DGKB: variants seen among roughly 807,000 people sequenced by gnomAD.
DGKB encodes 90 kDa diacylglycerol kinase.
DGKB carries 67 observed loss-of-function variants against 114.3 expected under a neutral mutation model. That is an observed-to-expected ratio of 0.59 (90% CI 0.48 to 0.72). The LOEUF is 0.72. DGKB is among the 30% of genes least tolerant of loss of function. DGKB has a pLI of 0.00. For synonymous variants in DGKB, 398 were observed against 323.1 expected, an observed-to-expected ratio of 1.23 and a Z score of -2.49; for missense variants, 907 against 975.2, an observed-to-expected ratio of 0.93 and a Z score of 0.93.
chr7:14,692,092 T>C (rs1353351463), intron 9 of DGKB, among the ~76,000 whole-genome samples: 3 of 152,026 alleles, frequency 2.0e-5, no homozygotes, highest in African/African-American at 7.2e-5. Flanking sequence ...ATTTGTGGAC[T>C]CTATTACCTG....
At chr7:14,325,552 T>A (rs2128546734) in intron 23 of DGKB, among the ~76,000 whole-genome samples, 1 of 152,258 alleles carries the variant, frequency 6.6e-6, no homozygotes, top group South Asian at 2.1e-4. Context: ...ATAAATATTC[T>A]AATAGGAATT....
At chr7:14,780,185 C>G (rs189144280) in intron 2 of DGKB, among the ~76,000 whole-genome samples, 11 of 152,120 alleles carry the variant, frequency 7.2e-5, no homozygotes, top group Non-Finnish European at 7.3e-5. Context: ...GCCTAAAGCA[C>G]ATGATGAAAG....
chr7:14,353,160 T>C (rs1813795091), intron 21 of DGKB, among the ~76,000 whole-genome samples: 1 of 152,144 alleles, frequency 6.6e-6, no homozygotes, highest in Non-Finnish European at 1.5e-5. Context: ...TCTCTCATTA[T>C]ATACAATAAT....
At chr7:14,745,869 T>C (rs1352619778) in intron 4 of DGKB, among the ~76,000 whole-genome samples, 6 of 152,200 alleles carry the variant, frequency 3.9e-5, no homozygotes, top group Admixed American at 3.3e-4. Context: ...GAGCAAAAAT[T>C]CCTGCATCAC....
intron 2 of DGKB, among the ~76,000 whole-genome samples, chr7:14,769,510 T>C (rs1837095870): frequency 6.6e-6 from 1 of 151,396 alleles, no homozygotes; most frequent in Non-Finnish European, 1.5e-5. Flanking sequence ...CACCATCTCA[T>C]AAATTTATTT....
intron 23 of DGKB, among the ~76,000 whole-genome samples, chr7:14,217,373 C>A (rs1789160351): frequency 6.6e-6 from 1 of 151,824 alleles, no homozygotes; most frequent in Admixed American, 6.6e-5. Flanking sequence ...TCCTAGACTT[C>A]AAATCTCTGA....
intron 2 of DGKB, among the ~76,000 whole-genome samples, chr7:14,789,003 G>T (rs1840283505): frequency 6.6e-6 from 1 of 152,078 alleles, no homozygotes; most frequent in Admixed American, 6.5e-5. Context: ...AAACAGTGGA[G>T]CAGAAACACA....
intron 23 of DGKB, among the ~76,000 whole-genome samples, chr7:14,184,606 A>G (rs533563796): frequency 1.3e-5 from 2 of 151,956 alleles, no homozygotes; most frequent in African/African-American, 4.8e-5. Context: ...CCCATCCCCC[A>G]TGCTGCAGCT....
intron 13 of DGKB, among the ~76,000 whole-genome samples, chr7:14,642,657 C>A (rs17667596): frequency 0.097 from 14,720 of 152,158 alleles, 948 homozygotes; most frequent in Non-Finnish European, 0.14. Flanking sequence ...CCAAGAAACT[C>A]AGGGAAATTC....
intron 13 of DGKB, among the ~76,000 whole-genome samples, chr7:14,671,080 G>T (rs1818883281): frequency 1.3e-5 from 2 of 152,128 alleles, no homozygotes; most frequent in Admixed American, 6.5e-5. Flanking sequence ...TCTAGGTTTG[G>T]AATTTAGGAT....
At chr7:14,258,274 T>C (rs796110204) in intron 23 of DGKB, among the ~76,000 whole-genome samples, 21 of 152,324 alleles carry the variant, frequency 1.4e-4, no homozygotes, top group African/African-American at 5.1e-4. Flanking sequence ...AAGAAGACTG[T>C]GTGTTAAGAA....
In DGKB at chr7:14,898,745, A is replaced by G. The variant is rs554628355; in HGVS notation, c.-188+3847T>C. On this transcript the variant is annotated intron_variant, in intron 1 of 25. Transcript: ENST00000402815. ...GTGAATGTATTTGCAAAGCTCTGTCACCACATACACATCTGACAATAGCTC... is the reference window on the plus strand; with the variant it reads ...GTGAATGTATTTGCAAAGCTCTGTCGCCACATACACATCTGACAATAGCTC... 2.0e-5 allele frequency among the ~76,000 whole-genome samples: 3 copies of G among 152,222 alleles called. No homozygotes were observed. In the South Asian group the frequency reaches 6.2e-4, roughly 32 times the overall value.
chr7:14,827,934 A>C (rs1191658499), intron 2 of DGKB, among the ~76,000 whole-genome samples: 1 of 152,066 alleles, frequency 6.6e-6, no homozygotes, highest in East Asian at 1.9e-4. Context: ...AATGAATGTG[A>C]AATGTGGGAG....
At position 14,718,585 on chromosome 7, in the gene DGKB, G is replaced by A; in HGVS notation, c.423C>T (p.Tyr141=). 6.2e-7 allele frequency: 1 copy of A among 1,613,036 alleles called. No individual in the cohort carries two copies. The highest frequency in any genetic ancestry group is 8.5e-7 in the Non-Finnish European group (1 of 1,179,432). The part of the protein sequence containing the change: ...EVIHLKDIVC[Y]LSLLERGRPE... ...GTCTTCCTCTTTCAAGCAGAGACAGGTAACAGACAATGTCCTTCAGATGGA... is the reference window on the plus strand; with the variant it reads ...GTCTTCCTCTTTCAAGCAGAGACAGATAACAGACAATGTCCTTCAGATGGA... Residue 141 remains tyrosine (Y), a synonymous_variant, in exon 6 of 26, where the codon TAC becomes TAT. Coordinates refer to ENST00000402815, the MANE Select transcript of DGKB (RefSeq NM_001350709.2).
intron 20 of DGKB, among the ~76,000 whole-genome samples, chr7:14,536,693 C>A (rs1792555867): frequency 6.6e-6 from 1 of 152,154 alleles, no homozygotes; most frequent in African/African-American, 2.4e-5. Flanking sequence ...ATAATGGTCA[C>A]ATATGAATAT....
At chr7:14,535,390 AAAAAG>A (rs1260143615) in intron 20 of DGKB, among the ~76,000 whole-genome samples, 3 of 151,348 alleles carry the variant, frequency 2.0e-5, no homozygotes, top group African/African-American at 4.9e-5. Context: ...AAAAAAAAAA[AAAAAG>A]AAAGAAAGAA....
At chr7:14,617,902 C>G (rs1473598649) in intron 15 of DGKB, among the ~76,000 whole-genome samples, 1 of 151,662 alleles carries the variant, frequency 6.6e-6, no homozygotes. Context: ...ACAATTCTGA[C>G]TCTTAGCCCT....
chr7:14,760,845 G>A (rs975589670), intron 2 of DGKB, among the ~76,000 whole-genome samples: 4 of 152,020 alleles, frequency 2.6e-5, no homozygotes, highest in Non-Finnish European at 5.9e-5. Context: ...TCAGAGAAGG[G>A]GAAAGCTCAT....
chr7:14,613,244 A>G, intron 16 of DGKB, 96 bp downstream of exon 16: 1 of 660,726 alleles, frequency 1.5e-6, no homozygotes, highest in African/African-American at 1.8e-5. Context: ...AAATTAGCAG[A>G]GAGGAATAAT....
Sources: allele counts gnomAD v4.1 joint callset (sites outside exome capture counted in the v4.1 genomes callset), GRCh38; gene constraint gnomAD v4.1.1; transcripts MANE v1.5; gene names NCBI Gene and HGNC (gene_info 2026-07-23, HGNC 2026-07-21).